TSNARE1: variants seen among roughly 807,000 people sequenced by gnomAD.
TSNARE1 encodes the protein t-SNARE domain containing 1.
A neutral mutation model predicts 62.0 loss-of-function variants in TSNARE1; 49 were observed. The ratio of observed to expected loss-of-function variants is 0.79; its 90% CI spans 0.63 to 1.00. The LOEUF (loss-of-function observed/expected upper bound fraction) is 1.00, where lower values mean the gene tolerates loss of function less well. Ranked by LOEUF, TSNARE1 falls within the 50% of genes least tolerant of loss-of-function variation. The probability of loss-of-function intolerance (pLI) is 0.00; values close to 1 mark genes in which losing one functional copy is unlikely to be tolerated. For synonymous variants in TSNARE1, 328 were observed against 294.4 expected (o/e 1.11, Z -1.17); for missense variants, 755 against 700.1 (o/e 1.08, Z -0.88).
chr8:142,222,502 AT>A (rs1816380160), intron 13 of TSNARE1, among the ~76,000 whole-genome samples: 1 of 30,866 alleles, frequency 3.2e-5, no homozygotes. Context: ...CCACTCACTC[AT>A]CCACTCACTC....
intron 13 of TSNARE1, 99 bp downstream of exon 13, chr8:142,229,374 G>T: frequency 1.0e-6 from 1 of 963,718 alleles, no homozygotes. Flanking sequence ...ATGGATAGAT[G>T]GATGGATGGT....
At chr8:142,238,739 G>T (rs1374443030) in intron 12 of TSNARE1, among the ~76,000 whole-genome samples, 1 of 90,738 alleles carries the variant, frequency 1.1e-5, no homozygotes, top group South Asian at 4.3e-4. Context: ...GCCCCTGCAC[G>T]CCCGCCCCTG....
chr8:142,274,083 G>C, intron 12 of TSNARE1: 1 of 985,344 alleles, frequency 1.0e-6, no homozygotes, highest in African/African-American at 1.7e-5. Flanking sequence ...TCACCTTGCT[G>C]GACTTAATGT....
chr8:142,214,108 G>A (rs2129806536), intron 13 of TSNARE1, among the ~76,000 whole-genome samples: 1 of 152,338 alleles, frequency 6.6e-6, no homozygotes, highest in Non-Finnish European at 1.5e-5. Context: ...AGGGCCTCAG[G>A]GCTCAGGGAC....
rs577264345 is a variant in TSNARE1, at chr8:142,248,687, G to A, written c.1447-19108C>T. ...TGGGGTCTGGGTCTGGTTTACGGAG[G>A]TGGAGCTACTGAGAAGCCCGGAGGG... On this transcript the variant is annotated intron_variant, in intron 12 of 13. Transcript: ENST00000524325. Among the ~76,000 whole-genome samples the A allele has an allele frequency of 4.6e-5, 7 of 152,302 alleles. No individual in the cohort carries two copies. In the South Asian group the frequency reaches 1.5e-3, roughly 32 times the overall value.
At chr8:142,264,517 A>G (rs1442539549) in intron 12 of TSNARE1, among the ~76,000 whole-genome samples, 1 of 152,100 alleles carries the variant, frequency 6.6e-6, no homozygotes, top group East Asian at 1.9e-4. Flanking sequence ...ACGTGCTGAA[A>G]CCTTCCGCTG....
intron 11 of TSNARE1, among the ~76,000 whole-genome samples, chr8:142,282,099 C>G (rs1022552327): frequency 2.0e-5 from 3 of 152,206 alleles, no homozygotes; most frequent in Admixed American, 1.3e-4. Context: ...TGAGGGCCCA[C>G]GGTGCTGGCT....
chr8:142,281,826 G>C (rs1031637257), intron 11 of TSNARE1, among the ~76,000 whole-genome samples: 2 of 140,570 alleles, frequency 1.4e-5, no homozygotes, highest in Admixed American at 1.4e-4. Flanking sequence ...CCTTGCCCCA[G>C]GTGAGGTTTC....
intron 9 of TSNARE1, among the ~76,000 whole-genome samples, chr8:142,311,214 G>C (rs1180459184): frequency 2.0e-5 from 3 of 150,746 alleles, no homozygotes; most frequent in African/African-American, 7.3e-5. Flanking sequence ...GCCCAGACTG[G>C]AGTGCAATGG....
At chr8:142,237,215 C>T (rs1817478640) in intron 12 of TSNARE1, among the ~76,000 whole-genome samples, 1 of 152,180 alleles carries the variant, frequency 6.6e-6, no homozygotes, top group Non-Finnish European at 1.5e-5. Flanking sequence ...CTGCTTCTCC[C>T]TGCGTGGACC....
chr8:142,315,771 T>C (rs1828431651), intron 7 of TSNARE1, among the ~76,000 whole-genome samples: 1 of 152,218 alleles, frequency 6.6e-6, no homozygotes, highest in Non-Finnish European at 1.5e-5. Context: ...CCCATGGCTA[T>C]CGGAGGATTG....
At chr8:142,239,725 TA>T (rs1817596842) in intron 12 of TSNARE1, among the ~76,000 whole-genome samples, 1 of 152,168 alleles carries the variant, frequency 6.6e-6, no homozygotes, top group Admixed American at 6.5e-5. Context: ...TCACGTTAAA[TA>T]CGTGGTTAGC....
intron 1 of TSNARE1, among the ~76,000 whole-genome samples, chr8:142,397,554 G>A (rs1344719873): frequency 3.3e-5 from 5 of 152,172 alleles, no homozygotes; most frequent in Non-Finnish European, 5.9e-5. Flanking sequence ...TCAGGGCTGG[G>A]TTGTAGCCCT....
chr8:142,371,577 C>T (rs1378510058), intron 1 of TSNARE1, among the ~76,000 whole-genome samples: 1 of 152,152 alleles, frequency 6.6e-6, no homozygotes, highest in African/African-American at 2.4e-5. Flanking sequence ...TGACAGCAAC[C>T]AGGATCACAG....
At chr8:142,404,301 C>T (rs561734934), upstream of TSNARE1, 2 of 133,476 alleles carry the variant, frequency 1.5e-5, no homozygotes, top group African/African-American at 2.9e-5. Flanking sequence ...AAAGTGTGCT[C>T]GTGGACACTG....
At chr8:142,326,267 G>T in intron 6 of TSNARE1, 1 of 162,548 alleles carries the variant, frequency 6.2e-6, no homozygotes. Context: ...GAAGGGGAGG[G>T]CCCCGGAGAC....
intron 1 of TSNARE1, among the ~76,000 whole-genome samples, chr8:142,357,439 A>AAGACT (rs1483800674): frequency 6.6e-6 from 1 of 152,184 alleles, no homozygotes; most frequent in Non-Finnish European, 1.5e-5. Context: ...GGCCTGACAC[A>AAGACT]AGACTTGTGT....
rs1330829295 is a variant in TSNARE1, at chr8:142,380,948, C to T, written c.-40+22156G>A. Among the ~76,000 whole-genome samples the T allele has an allele frequency of 3.9e-5, 6 of 152,322 alleles. No homozygotes were observed. The South Asian group carries it at 1.2e-3, about 32-fold the overall frequency. On this transcript the variant is annotated intron_variant, in intron 1 of 13. Coordinates refer to ENST00000524325, the MANE Select transcript of TSNARE1 (RefSeq NM_145003.5). ...CTTCTCTCCTCGCCCTCACCCCCCA[C>T]ACACACATGCACCTGCACACACACC...
intron 7 of TSNARE1, among the ~76,000 whole-genome samples, chr8:142,318,112 G>A (rs903273436): frequency 5.3e-5 from 8 of 152,196 alleles, no homozygotes; most frequent in Non-Finnish European, 7.3e-5. Context: ...CTGATAAGGC[G>A]CCAAGGTAGG....
Sources: gnomAD v4.1 joint callset for allele counts (sites outside exome capture counted in the v4.1 genomes callset) on GRCh38, gnomAD v4.1.1 for gene constraint, MANE v1.5 for transcripts, NCBI Gene and HGNC (gene_info 2026-07-23, HGNC 2026-07-21) for gene names.